Variants in KDM4C observed in about 807,000 individuals in gnomAD.
KDM4C encodes lysine-specific demethylase 4C.
In KDM4C, 81 loss-of-function variants were observed where a neutral mutation model predicts 129.3. The observed-to-expected ratio is 0.63, with a 90% CI of 0.52 to 0.75. KDM4C has a LOEUF of 0.75. Among genes scored for constraint, KDM4C ranks in the 30% least tolerant of loss-of-function variants. The pLI is 0.00. For synonymous variants in KDM4C, 573 were observed against 456.1 expected (o/e 1.26, Z -3.26); for missense variants, 1,457 against 1,304.0 (o/e 1.12, Z -1.81).
chr9:6,857,922 GTTT>G (rs71487861), intron 5 of KDM4C, among the ~76,000 whole-genome samples: 8,111 of 102,918 alleles, frequency 0.079, 368 homozygotes, highest in Non-Finnish European at 0.11. Flanking sequence ...ATCTGGCTAA[GTTT>G]TTTTTTTTTT....
chr9:6,919,247 T>TTTCTTTCTTTCTTTCTTTCTTTCTTTC, intron 8 of KDM4C, among the ~76,000 whole-genome samples: 1 of 106,292 alleles, frequency 9.4e-6, no homozygotes, highest in African/African-American at 3.7e-5. Context: ...TCTTTCTTTC[T>TTTCTTTCTTTCTTTCTTTCTTTCTTTC]TTTCTTTCTT....
At chr9:6,982,578 G>A (rs1816957051) in intron 9 of KDM4C, 1 of 152,180 alleles carries the variant, frequency 6.6e-6, no homozygotes, top group Non-Finnish European at 1.5e-5. Context: ...AAAAGTTTGA[G>A]AAATACTAAT....
At chr9:6,906,830 C>G (rs548112697) in intron 8 of KDM4C, among the ~76,000 whole-genome samples, 3 of 152,252 alleles carry the variant, frequency 2.0e-5, no homozygotes, top group African/African-American at 7.2e-5. Flanking sequence ...GTTGTAGACT[C>G]AAGTGAATTT....
chr9:7,099,212 A>T (rs1213179843), intron 17 of KDM4C, among the ~76,000 whole-genome samples: 1 of 152,212 alleles, frequency 6.6e-6, no homozygotes, highest in African/African-American at 2.4e-5. Flanking sequence ...AAAACATCAT[A>T]AAACTAGCAA....
At chr9:6,742,388 ATCTG>A (rs1376453805) in intron 1 of KDM4C, among the ~76,000 whole-genome samples, 8 of 151,722 alleles carry the variant, frequency 5.3e-5, no homozygotes, top group Non-Finnish European at 8.8e-5. Context: ...ATTCATTTGG[ATCTG>A]TCTTTTTTAT....
At chr9:6,772,322 G>A (rs144093511) in intron 1 of KDM4C, among the ~76,000 whole-genome samples, 188 of 149,596 alleles carry the variant, frequency 1.3e-3, no homozygotes, top group African/African-American at 4.5e-3. Context: ...GCTAATTTTT[G>A]TATTTTAGTA....
chr9:6,861,410 A>C (rs893617924), intron 5 of KDM4C, among the ~76,000 whole-genome samples: 7 of 152,224 alleles, frequency 4.6e-5, no homozygotes, highest in Non-Finnish European at 5.9e-5. Flanking sequence ...TTAGGGATAA[A>C]TATTACAAAG....
chr9:6,876,792 C>T (rs973209976), intron 5 of KDM4C, among the ~76,000 whole-genome samples: 1 of 152,060 alleles, frequency 6.6e-6, no homozygotes, highest in Non-Finnish European at 1.5e-5. Flanking sequence ...AGCCTACACA[C>T]ATAGACTGCA....
intron 4 of KDM4C, among the ~76,000 whole-genome samples, chr9:6,818,242 G>T (rs578236803): frequency 2.6e-5 from 4 of 152,244 alleles, no homozygotes; most frequent in African/African-American, 9.6e-5. Context: ...GATCATTTCA[G>T]TTTCTTTTAG....
chr9:6,821,823 C>T (rs1045746086), intron 4 of KDM4C, among the ~76,000 whole-genome samples: 1 of 152,074 alleles, frequency 6.6e-6, no homozygotes, highest in Non-Finnish European at 1.5e-5. Flanking sequence ...TTAGCAGAGA[C>T]CGTGATTCGC....
At chr9:6,722,442 C>G (rs1390895694) in intron 1 of KDM4C, among the ~76,000 whole-genome samples, 1 of 151,854 alleles carries the variant, frequency 6.6e-6, no homozygotes, top group Non-Finnish European at 1.5e-5. Flanking sequence ...CTTTGGGAGG[C>G]TGAGGCGGGC....
chr9:6,731,839 A>C (rs1817347164), intron 1 of KDM4C, among the ~76,000 whole-genome samples: 1 of 152,142 alleles, frequency 6.6e-6, no homozygotes, highest in South Asian at 2.1e-4. Flanking sequence ...TGTCATTTAT[A>C]GGTTACTGTG....
intron 19 of KDM4C, among the ~76,000 whole-genome samples, chr9:7,132,721 T>A (rs1317693418): frequency 6.6e-6 from 1 of 152,204 alleles, no homozygotes; most frequent in Non-Finnish European, 1.5e-5. Flanking sequence ...TCTGTTAGCC[T>A]CTGCCAAAAC....
intron 5 of KDM4C, among the ~76,000 whole-genome samples, chr9:6,858,284 G>T (rs546973676): frequency 6.6e-6 from 1 of 151,854 alleles, no homozygotes; most frequent in African/African-American, 2.4e-5. Flanking sequence ...GCTCAGTAAG[G>T]GCGTGTAAAT....
At position 6,944,804 on chromosome 9, in the gene KDM4C, T is replaced by C. The variant is rs559071188; in HGVS notation, c.922-36121T>C. 7.2e-5 allele frequency among the ~76,000 whole-genome samples: 11 copies of C among 152,078 alleles called. No homozygotes were observed. The South Asian group carries it at 2.3e-3, about 32-fold the overall frequency. On this transcript the variant is annotated intron_variant, in intron 8 of 21. Coordinates refer to ENST00000381309, the MANE Select transcript of KDM4C (RefSeq NM_015061.6). ...CAAAGAAGAGTGGTTTTGGTTTGGA[T>C]TGGATGCTGGCAGAATGTGGGGGCA...
intron 17 of KDM4C, among the ~76,000 whole-genome samples, chr9:7,089,259 G>A (rs1391522892): frequency 6.6e-6 from 1 of 150,632 alleles, no homozygotes; most frequent in Non-Finnish European, 1.5e-5. Context: ...TATTTTTTTT[G>A]CAGTCACTTG....
intron 19 of KDM4C, among the ~76,000 whole-genome samples, chr9:7,145,217 GT>G (rs1842110341): frequency 6.6e-6 from 1 of 152,178 alleles, no homozygotes; most frequent in Non-Finnish European, 1.5e-5. Flanking sequence ...AGCTAACTAC[GT>G]GTCTGCGTTT....
intron 5 of KDM4C, among the ~76,000 whole-genome samples, chr9:6,857,647 G>A (rs902388043): frequency 1.3e-5 from 2 of 151,974 alleles, no homozygotes; most frequent in Non-Finnish European, 2.9e-5. Context: ...GATTGTTACC[G>A]ATCAAGTTTA....
chr9:6,853,313 C>G (rs1176160777), intron 5 of KDM4C, among the ~76,000 whole-genome samples: 6 of 148,806 alleles, frequency 4.0e-5, no homozygotes, highest in African/African-American at 1.5e-4. Context: ...CATGGCAAAA[C>G]TGTTTCTACA....
Sources: gnomAD v4.1 joint callset for allele counts (sites outside exome capture counted in the v4.1 genomes callset) on GRCh38, gnomAD v4.1.1 for gene constraint, MANE v1.5 for transcripts, NCBI Gene and HGNC (gene_info 2026-07-23, HGNC 2026-07-21) for gene names.